CHLSN: variants seen among roughly 807,000 people sequenced by gnomAD.
CHLSN encodes cholesin, also known as protein cholesin.
the CHLSN span, among the ~76,000 whole-genome samples, chr7:1,032,992 C>T: frequency 3.3e-5 from 5 of 152,306 alleles, no homozygotes; most frequent in Admixed American, 2.0e-4. Context: ...TCTGTGCACT[C>T]GCGGTGCGGA....
chr7:1,003,942 G>T, the CHLSN span, among the ~76,000 whole-genome samples: 501 of 134,708 alleles, frequency 3.7e-3, 1 homozygote, highest in African/African-American at 0.013. Context: ...TGTGGGTGGG[G>T]AGTCCTGTGG....
At chr7:1,113,247 T>C in the CHLSN span, among the ~76,000 whole-genome samples, 5 of 152,104 alleles carry the variant, frequency 3.3e-5, no homozygotes, top group African/African-American at 1.2e-4. Flanking sequence ...CTACCGTTAT[T>C]TTAAACATAA....
At chr7:1,039,121 C>A in the CHLSN span, among the ~76,000 whole-genome samples, 1 of 52,944 alleles carries the variant, frequency 1.9e-5, no homozygotes, top group Non-Finnish European at 3.9e-5. Flanking sequence ...CGCCTCTGCC[C>A]GGCCGCCCCT....
chr7:1,012,041 GGCCCACAGCC>G, the CHLSN span, among the ~76,000 whole-genome samples: 9 of 152,228 alleles, frequency 5.9e-5, no homozygotes, highest in African/African-American at 9.6e-5. Context: ...TCACCTCCTA[GGCCCACAGCC>G]GCCCACAGCC....
chr7:987,193 G>C, the CHLSN span: 6 of 1,553,078 alleles, frequency 3.9e-6, no homozygotes, highest in Non-Finnish European at 5.2e-6. Context: ...AGACGACCTC[G>C]GCCACGCTGC....
At chr7:999,998 GAC>G in the CHLSN span, among the ~76,000 whole-genome samples, 2 of 152,184 alleles carry the variant, frequency 1.3e-5, no homozygotes, top group Admixed American at 6.5e-5. Flanking sequence ...CACACGTGTA[GAC>G]ACACGTCATG....
the CHLSN span, among the ~76,000 whole-genome samples, chr7:982,001 T>A: frequency 1.3e-5 from 2 of 152,062 alleles, no homozygotes; most frequent in Non-Finnish European, 2.9e-5. Context: ...AGCACGGTAA[T>A]CCAGCCTGGG....
At chr7:1,005,988 GTTC>G in the CHLSN span, among the ~76,000 whole-genome samples, 2 of 152,362 alleles carry the variant, frequency 1.3e-5, no homozygotes, top group Non-Finnish European at 2.9e-5. Flanking sequence ...CAGCAGGCGT[GTTC>G]TTTTCTTTTT....
the CHLSN span, among the ~76,000 whole-genome samples, chr7:1,134,711 T>C: frequency 4.0e-5 from 6 of 150,590 alleles, no homozygotes; most frequent in Non-Finnish European, 8.9e-5. Context: ...TACTAAAAAA[T>C]ACAAAAAATT....
At chr7:1,070,794 C>T in the CHLSN span, among the ~76,000 whole-genome samples, 7 of 142,830 alleles carry the variant, frequency 4.9e-5, no homozygotes, top group Admixed American at 1.4e-4. Context: ...CGGACACGCA[C>T]GTGCACACAT....
chr7:1,066,099 C>A, the CHLSN span, among the ~76,000 whole-genome samples: 1 of 152,254 alleles, frequency 6.6e-6, no homozygotes. Context: ...GTTCCCGCCA[C>A]GGCTTTCGCC....
chr7:1,084,055 G>A, the CHLSN span, among the ~76,000 whole-genome samples: 26 of 152,384 alleles, frequency 1.7e-4, no homozygotes, highest in East Asian at 5.0e-3. Context: ...CTGAGGGGAG[G>A]TCACAGGATG....
the CHLSN span, among the ~76,000 whole-genome samples, chr7:1,117,963 T>C: frequency 2.6e-5 from 4 of 152,174 alleles, no homozygotes; most frequent in Non-Finnish European, 4.4e-5. Context: ...CCTGTGCTTA[T>C]TCAAAAACAG....
At chr7:1,036,578 G>A in the CHLSN span, among the ~76,000 whole-genome samples, 3 of 152,132 alleles carry the variant, frequency 2.0e-5, no homozygotes, top group Non-Finnish European at 4.4e-5. Flanking sequence ...GTTGATAATG[G>A]GGGAGGCCGT....
chr7:1,018,112 C>G, the CHLSN span, among the ~76,000 whole-genome samples: 4 of 152,196 alleles, frequency 2.6e-5, no homozygotes, highest in Admixed American at 2.0e-4. Context: ...ACACATACCC[C>G]TGCCATCATC....
chr7:1,016,628 GTAGCGCACGCCAGCGCA>G, the CHLSN span, among the ~76,000 whole-genome samples: 1 of 98,138 alleles, frequency 1.0e-5, no homozygotes, highest in Non-Finnish European at 2.0e-5. Context: ...CCAGAGCACA[GTAGCGCACGCCAGCGCA>G]CAGCAGCACA....
At chr7:1,034,138 G>A in the CHLSN span, among the ~76,000 whole-genome samples, 4 of 152,250 alleles carry the variant, frequency 2.6e-5, no homozygotes, top group South Asian at 2.1e-4. Flanking sequence ...ATGGGCTCGC[G>A]GAAACTGGCA....
At chr7:983,121 G>T in the CHLSN span, 1 of 1,132,094 alleles carries the variant, frequency 8.8e-7, no homozygotes, top group Admixed American at 3.5e-5. Context: ...TGGGGTGGGT[G>T]GGGTGCGGGC....
chr7:1,103,742 C>T, the CHLSN span, among the ~76,000 whole-genome samples: 1 of 152,210 alleles, frequency 6.6e-6, no homozygotes, highest in Non-Finnish European at 1.5e-5. Flanking sequence ...CTCCGTCTCC[C>T]GTGTACTCTC....
Sources: gnomAD v4.1 joint callset for allele counts (sites outside exome capture counted in the v4.1 genomes callset) on GRCh38, gnomAD v4.1.1 for gene constraint, MANE v1.5 for transcripts, NCBI Gene and HGNC (gene_info 2026-07-23, HGNC 2026-07-21) for gene names.